Variants in MGAT5 observed in about 807,000 individuals in gnomAD.
The protein encoded by MGAT5 is alpha-1,6-mannosylglycoprotein 6-beta-N-acetylglucosaminyltransferase A.
In MGAT5, 30 loss-of-function variants were observed where a neutral mutation model predicts 94.3. That is an observed-to-expected ratio of 0.32 (90% CI 0.24 to 0.43). The LOEUF is 0.43. Ranked by LOEUF, MGAT5 falls within the 20% of genes least tolerant of loss-of-function variation. MGAT5 has a pLI of 1.00. For missense variants in MGAT5, 691 were observed against 905.5 expected (o/e 0.76, Z 3.04); for synonymous variants, 310 against 322.9 (o/e 0.96, Z 0.43).
intron 13 of MGAT5, among the ~76,000 whole-genome samples, chr2:134,423,964 T>C (rs1362425737): frequency 6.6e-6 from 1 of 152,136 alleles, no homozygotes; most frequent in African/African-American, 2.4e-5. Flanking sequence ...ACCCAATGGA[T>C]AGATGGGAGA....
At chr2:134,201,054 A>G (rs1392089241) in intron 1 of MGAT5, among the ~76,000 whole-genome samples, 3 of 152,128 alleles carry the variant, frequency 2.0e-5, no homozygotes, top group East Asian at 2.0e-4. Flanking sequence ...AGCTGGGACT[A>G]CAGGTGTGTG....
intron 11 of MGAT5, among the ~76,000 whole-genome samples, chr2:134,409,149 G>T (rs1683505535): frequency 6.6e-6 from 1 of 152,178 alleles, no homozygotes. Context: ...GCAGCTGTGT[G>T]AAGTTGCATA....
rs1162069243 is a variant in MGAT5, at chr2:134,196,442, AAC to A, written c.-142-57817_-142-57816del. Among the ~76,000 whole-genome samples, 3 of 152,172 alleles carry A rather than the reference AAC, an allele frequency of 2.0e-5. No individual in the cohort carries two copies. In the East Asian group the frequency reaches 5.8e-4, roughly 29 times the overall value. On this transcript the variant is annotated intron_variant, in intron 1 of 16. Transcript: ENST00000409645. ...CTATGGATCCAAGGGAGCTTTTTAA[AAC>A]ACTCTTTAAAATACGTGTTTTGTTT...
In MGAT5 at chr2:134,369,727, T is replaced by TTGTGTGTGTGTGTGTGTGTGTGTGTGTG. The variant is rs10526028; in HGVS notation, c.1380+7322_1380+7349dup. ...TGGTGATAGCTTTATGGTTTTTACA[T>TTGTGTGTGTGTGTGTGTGTGTGTGTGTG]TGTGTGTGTGTGTGTGTGTGTGTGT... is the stretch of plus-strand genomic sequence containing the variant. On this transcript the variant is annotated intron_variant, in intron 10 of 15. Coordinates refer to ENST00000281923, the MANE Select transcript of MGAT5 (RefSeq NM_002410.5). 3.0e-3 allele frequency among the ~76,000 whole-genome samples: 426 copies of TTGTGTGTGTGTGTGTGTGTGTGTGTGTG among 142,256 alleles called. 9 individuals carry two copies. Among genetic ancestry groups the TTGTGTGTGTGTGTGTGTGTGTGTGTGTG allele is most frequent in the African/African-American group, 0.011 (404 of 38,114 alleles). 93.3% of individuals were successfully genotyped at this position (142,256 alleles called of 152,430 possible).
intron 4 of MGAT5, among the ~76,000 whole-genome samples, chr2:134,324,781 C>A (rs1473155606): frequency 6.6e-6 from 1 of 152,006 alleles, no homozygotes; most frequent in African/African-American, 2.4e-5. Context: ...AAAAATATCA[C>A]CGGATTGTTG....
chr2:134,319,338 T>C (rs1476328443), intron 4 of MGAT5, among the ~76,000 whole-genome samples: 2 of 152,190 alleles, frequency 1.3e-5, no homozygotes, highest in Non-Finnish European at 2.9e-5. Flanking sequence ...TGGTTTTGTT[T>C]TTTGAATAAT....
intron 1 of MGAT5, among the ~76,000 whole-genome samples, chr2:134,131,860 A>G (rs948393835): frequency 3.9e-5 from 6 of 152,156 alleles, no homozygotes; most frequent in South Asian, 2.1e-4. Flanking sequence ...CCTCCATGAG[A>G]TCGTGCCCAG....
chr2:134,412,129 G>A lies in MGAT5; in HGVS notation c.1531-740G>A, dbSNP rs973654676. 4.5e-4 allele frequency among the ~76,000 whole-genome samples: 69 copies of A among 152,206 alleles called. 2 individuals carry two copies. The highest frequency in any genetic ancestry group is 1.0e-4 in the Non-Finnish European group (7 of 68,000). On this transcript the variant is annotated intron_variant, in intron 11 of 15. Transcript: ENST00000281923. Reference sequence around the variant, plus strand: ...ACTGCAGCTTGTCCCCTTTGTCATCGTGGCTTCCAGCTGCTGTGGTTGCTC... The same window carrying A: ...ACTGCAGCTTGTCCCCTTTGTCATCATGGCTTCCAGCTGCTGTGGTTGCTC...
intron 14 of MGAT5, among the ~76,000 whole-genome samples, chr2:134,431,846 G>A (rs12471585): frequency 0.028 from 4,240 of 152,262 alleles, 136 homozygotes; most frequent in African/African-American, 0.07. Context: ...TTGAGCAGTC[G>A]CCAGCAGGAA....
At chr2:134,421,682 G>A (rs1558874556) in intron 12 of MGAT5, among the ~76,000 whole-genome samples, 1 of 152,178 alleles carries the variant, frequency 6.6e-6, no homozygotes, top group Non-Finnish European at 1.5e-5. Flanking sequence ...TCCTGTGCAG[G>A]ACTGTCCTTG....
chr2:134,313,261 G>C (rs1686803293), intron 2 of MGAT5, among the ~76,000 whole-genome samples: 1 of 152,226 alleles, frequency 6.6e-6, no homozygotes, highest in Non-Finnish European at 1.5e-5. Flanking sequence ...GTGTATTTGT[G>C]ACATCTCGTG....
intron 4 of MGAT5, among the ~76,000 whole-genome samples, chr2:134,330,124 C>T (rs1048835855): frequency 1.3e-5 from 2 of 151,982 alleles, no homozygotes; most frequent in Non-Finnish European, 2.9e-5. Context: ...ATATAGTCAA[C>T]TGTATTGATT....
intron 4 of MGAT5, among the ~76,000 whole-genome samples, chr2:134,323,088 A>G (rs1402649034): frequency 6.6e-6 from 1 of 152,176 alleles, no homozygotes; most frequent in African/African-American, 2.4e-5. Flanking sequence ...TCAGTTCACC[A>G]GCTTCCGCTG....
chr2:134,411,326 G>A (rs1311255639), intron 11 of MGAT5, among the ~76,000 whole-genome samples: 1 of 152,074 alleles, frequency 6.6e-6, no homozygotes, highest in Non-Finnish European at 1.5e-5. Context: ...CCCCACCCGT[G>A]ATCTCTGGTG....
chr2:134,332,676 C>T (rs1688049691), intron 4 of MGAT5, among the ~76,000 whole-genome samples: 3 of 152,094 alleles, frequency 2.0e-5, no homozygotes, highest in Admixed American at 6.6e-5. Flanking sequence ...AGAAAATTTT[C>T]ACAACCTACT....
intron 10 of MGAT5, among the ~76,000 whole-genome samples, chr2:134,381,983 T>C (rs1012098960): frequency 2.6e-5 from 4 of 152,212 alleles, no homozygotes; most frequent in African/African-American, 9.7e-5. Context: ...GAAACAAGTT[T>C]GGGTTTTCAG....
intron 10 of MGAT5, among the ~76,000 whole-genome samples, chr2:134,378,876 A>G (rs1346918679): frequency 6.6e-6 from 1 of 152,172 alleles, no homozygotes; most frequent in Non-Finnish European, 1.5e-5. Context: ...TCAGTTTCCC[A>G]AAGTGCTGGG....
intron 1 of MGAT5, among the ~76,000 whole-genome samples, chr2:134,173,074 C>G (rs1688294013): frequency 6.6e-6 from 1 of 152,120 alleles, no homozygotes; most frequent in Non-Finnish European, 1.5e-5. Context: ...GAGAGTTTGT[C>G]CCACTGGGAG....
At chr2:134,352,159 C>T (rs1228544728) in intron 9 of MGAT5, among the ~76,000 whole-genome samples, 4 of 152,110 alleles carry the variant, frequency 2.6e-5, no homozygotes, top group African/African-American at 4.8e-5. Flanking sequence ...CTAGCAAAAC[C>T]GCCTCTGCAT....
Sources: gnomAD v4.1 joint callset for allele counts (sites outside exome capture counted in the v4.1 genomes callset) on GRCh38, gnomAD v4.1.1 for gene constraint, MANE v1.5 for transcripts, NCBI Gene and HGNC (gene_info 2026-07-23, HGNC 2026-07-21) for gene names.